SLC8A1: variants seen among roughly 807,000 people sequenced by gnomAD.
SLC8A1 encodes sodium/calcium exchanger 1.
Under a neutral mutation model 68.3 loss-of-function variants are expected in SLC8A1, and 18 were observed. That is an observed-to-expected ratio of 0.26 (90% CI 0.18 to 0.39). SLC8A1 has a LOEUF of 0.39. Ranked by LOEUF, SLC8A1 falls within the 10% of genes least tolerant of loss-of-function variation. SLC8A1 has a pLI of 1.00. For missense variants in SLC8A1, 985 were observed against 1,156.7 expected, an observed-to-expected ratio of 0.85 and a Z score of 2.15; for synonymous variants, 475 against 415.5, an observed-to-expected ratio of 1.14 and a Z score of -1.74.
At chr2:40,139,218 C>T (rs2041105439) in intron 7 of SLC8A1, among the ~76,000 whole-genome samples, 183 bp downstream of exon 10, 1 of 152,128 alleles carries the variant, frequency 6.6e-6, no homozygotes, top group South Asian at 2.1e-4. Flanking sequence ...CACTGACCGG[C>T]TTTTGAACCT....
intron 2 of SLC8A1, among the ~76,000 whole-genome samples, 195 bp downstream of exon 3, chr2:40,178,192 G>A (rs1045987487): frequency 1.3e-5 from 2 of 152,206 alleles, no homozygotes; most frequent in African/African-American, 2.4e-5. Context: ...TCTCTCAGAC[G>A]TTAATGTGCA....
chr2:40,154,485 T>C (rs12997904), intron 6 of SLC8A1, among the ~76,000 whole-genome samples: 2,657 of 11,854 alleles, frequency 0.22, 121 homozygotes, highest in Admixed American at 0.28. Flanking sequence ...TTTTCTTTTC[T>C]TTTTTTTTTT....
At chr2:40,348,567 T>C (rs1438059393) in intron 2 of SLC8A1, among the ~76,000 whole-genome samples, 2 of 152,304 alleles carry the variant, frequency 1.3e-5, no homozygotes, top group Non-Finnish European at 2.9e-5. Context: ...TATCAGCATA[T>C]GTTCCATCCC....
intron 6 of SLC8A1, among the ~76,000 whole-genome samples, chr2:40,145,329 T>G (rs994874478): frequency 6.6e-6 from 1 of 152,196 alleles, no homozygotes; most frequent in Non-Finnish European, 1.5e-5. Flanking sequence ...TATTTCCATT[T>G]CTGGTTGCCA....
intron 1 of SLC8A1, among the ~76,000 whole-genome samples, chr2:40,442,062 G>A (rs1053117517): frequency 1.0e-5 from 1 of 96,194 alleles, no homozygotes. Context: ...GGTGGGGGGA[G>A]GGGGGAGGGA....
At chr2:40,166,574 A>G (rs948581194) in intron 4 of SLC8A1, among the ~76,000 whole-genome samples, 2 of 152,202 alleles carry the variant, frequency 1.3e-5, no homozygotes, top group African/African-American at 2.4e-5. Context: ...AAAAGTGGCA[A>G]TATTTTTTAT....
intron 2 of SLC8A1, among the ~76,000 whole-genome samples, chr2:40,258,956 C>G (rs923097704): frequency 2.0e-5 from 3 of 151,640 alleles, no homozygotes; most frequent in Non-Finnish European, 4.4e-5. Flanking sequence ...AAATACTTTT[C>G]TCATCCAGTT....
chr2:40,302,031 CTGTG>C (rs374407377), intron 2 of SLC8A1, among the ~76,000 whole-genome samples: 1,530 of 132,274 alleles, frequency 0.012, 14 homozygotes, highest in Middle Eastern at 0.064. Flanking sequence ...CCGGGCTAAT[CTGTG>C]TGTGTGTGTG....
intron 1 of SLC8A1, among the ~76,000 whole-genome samples, chr2:40,501,129 A>G (rs1706037849): frequency 6.6e-6 from 1 of 151,968 alleles, no homozygotes; most frequent in South Asian, 2.1e-4. Flanking sequence ...GGTTATTCAC[A>G]TGACTTGTTT....
intron 2 of SLC8A1, among the ~76,000 whole-genome samples, chr2:40,180,338 G>C (rs1377191727): frequency 6.6e-6 from 1 of 152,182 alleles, no homozygotes; most frequent in Non-Finnish European, 1.5e-5. Context: ...ATGGATGTAA[G>C]GAATGATTGA....
At chr2:40,330,786 T>G (rs1403049304) in intron 2 of SLC8A1, among the ~76,000 whole-genome samples, 1 of 152,218 alleles carries the variant, frequency 6.6e-6, no homozygotes, top group Non-Finnish European at 1.5e-5. Flanking sequence ...TGACTGATCA[T>G]GATTAATCAA....
intron 1 of SLC8A1, among the ~76,000 whole-genome samples, chr2:40,461,849 A>C (rs1246563203): frequency 6.6e-6 from 1 of 152,110 alleles, no homozygotes; most frequent in Non-Finnish European, 1.5e-5. Flanking sequence ...TGACACTGTT[A>C]ATCTGACACA....
intron 1 of SLC8A1, among the ~76,000 whole-genome samples, chr2:40,445,379 A>G (rs150138838): frequency 1.1e-3 from 170 of 152,302 alleles, no homozygotes; most frequent in African/African-American, 3.8e-3. Context: ...AAGAATCCTT[A>G]TTAGACATTC....
At position 40,150,134 on chromosome 2, in the gene SLC8A1, A is replaced by G. The variant is rs190600685; in HGVS notation, c.2162-10458T>C. On this transcript the variant is annotated intron_variant, in intron 6 of 7. Transcript: ENST00000406785. ...CGGGGCCAGGATTCTAAGATGCTCT[A>G]TCTAACAGGCCATAAGACACAACAC... Among the ~76,000 whole-genome samples, 86 of 151,400 alleles carry G rather than the reference A, an allele frequency of 5.7e-4. 1 individual carries two copies. The highest frequency in any genetic ancestry group is 5.1e-3 in the Admixed American group (78 of 15,162).
intron 1 of SLC8A1, among the ~76,000 whole-genome samples, chr2:40,431,779 G>A (rs999084789): frequency 6.6e-6 from 1 of 152,038 alleles, no homozygotes; most frequent in Non-Finnish European, 1.5e-5. Context: ...CCCCACATTC[G>A]CCTACACTCT....
intron 2 of SLC8A1, among the ~76,000 whole-genome samples, chr2:40,293,222 T>C (rs1360915367): frequency 1.3e-5 from 2 of 152,206 alleles, no homozygotes; most frequent in Non-Finnish European, 2.9e-5. Flanking sequence ...TCTGCATTTG[T>C]ACTTTTGGTT....
At chr2:40,266,875 A>C (rs1262940015) in intron 2 of SLC8A1, among the ~76,000 whole-genome samples, 1 of 152,176 alleles carries the variant, frequency 6.6e-6, no homozygotes. Context: ...AACAGGCATG[A>C]CTGGCTTATT....
chr2:40,436,144 G>A (rs1300284047), intron 1 of SLC8A1, among the ~76,000 whole-genome samples: 2 of 151,872 alleles, frequency 1.3e-5, no homozygotes, highest in Non-Finnish European at 2.9e-5. Flanking sequence ...TTCAAAAGAT[G>A]CAACTCTCTA....
intron 2 of SLC8A1, among the ~76,000 whole-genome samples, chr2:40,252,305 C>A (rs1232862749): frequency 3.3e-5 from 5 of 151,732 alleles, no homozygotes; most frequent in Admixed American, 1.3e-4. Context: ...AATATGTGTG[C>A]AGTTTTTTTT....
Sources: allele counts gnomAD v4.1 joint callset (sites outside exome capture counted in the v4.1 genomes callset), GRCh38; gene constraint gnomAD v4.1.1; transcripts MANE v1.5; gene names NCBI Gene and HGNC (gene_info 2026-07-23, HGNC 2026-07-21).